Variants in PCSK7 observed in about 807,000 individuals in gnomAD.
The protein encoded by PCSK7 is proprotein convertase subtilisin/kexin type 7.
In PCSK7, 38 loss-of-function variants were observed where a neutral mutation model predicts 73.3. The ratio of observed to expected loss-of-function variants is 0.52; its 90% CI spans 0.40 to 0.68. PCSK7 has a LOEUF of 0.68. PCSK7 is among the 30% of genes least tolerant of loss of function. The pLI is 0.00. For synonymous variants in PCSK7, 296 were observed against 383.8 expected (o/e 0.77, Z 2.68); for missense variants, 692 against 991.5 (o/e 0.70, Z 4.06).
Position 117,219,126 on chromosome 11 carries a change from T to C in PCSK7, c.1362A>G (p.Ala454=), listed in dbSNP as rs954572191. ...CGTGCTGGTGGCTATGGCTGAAGCC[T>C]GCCTCGTTGGTGACCCACTCTGCAC... The part of the protein sequence containing the change: ...DRRAEWVTNE[A]GFSHSHQHGF... Residue 454 remains alanine, a synonymous_variant, in exon 11 of 17, where the codon GCA becomes GCG. Transcript: ENST00000320934. The C allele has an allele frequency of 1.9e-6, 3 of 1,611,310 alleles. No individual in the cohort carries two copies. The African/African-American group carries it at 4.0e-5, about 22-fold the overall frequency.
At chr11:117,225,567 A>C in intron 6 of PCSK7, 1 of 272,268 alleles carries the variant, frequency 3.7e-6, no homozygotes, top group South Asian at 6.5e-5. Flanking sequence ...CCAGTCCAGC[A>C]CAGCCATGCC....
At chr11:117,209,247 G>A (rs1263320731) in intron 12 of PCSK7, 194 bp from the exon 13 acceptor site, 5 of 528,398 alleles carry the variant, frequency 9.5e-6, no homozygotes, top group Non-Finnish European at 1.6e-5. Context: ...TTCGAGTGCA[G>A]TTGGGAAGAC....
chr11:117,219,223 G>C lies in PCSK7; in HGVS notation c.1324-59C>G, dbSNP rs548285025. ...ATTGCCAGTGTAGTCTCAACAATCT[G>C]ACTCTGGTTTCCCTGCTTGCCCTGC... On this transcript the variant is annotated intron_variant, in intron 10 of 16. Transcript: ENST00000320934. The C allele has an allele frequency of 4.0e-6, 5 of 1,249,292 alleles. 1 individual carries two copies. In the South Asian group the frequency reaches 6.4e-5, roughly 16 times the overall value. The allele number at this position is 1,249,292 out of a possible 1,614,324, so 77.4% of individuals were successfully genotyped here.
chr11:117,221,130 T>G (rs1388614410), intron 9 of PCSK7: 3 of 152,264 alleles, frequency 2.0e-5, no homozygotes, highest in African/African-American at 7.2e-5. Flanking sequence ...TCCAAACTTC[T>G]CTTCTGGGTC....
Position 117,218,479 on chromosome 11 carries a change from C to T in PCSK7, c.1521G>A (p.Glu507=). 6.3e-7 allele frequency: 1 copy of T among 1,599,276 alleles called. No homozygotes were observed. Among genetic ancestry groups the T allele is most frequent in the Non-Finnish European group, 8.5e-7 (1 of 1,171,338 alleles). The change falls in exon 12 of 17, where the codon GAG becomes GAA. Residue 507 remains glutamate, a synonymous_variant. Coordinates refer to ENST00000320934, the MANE Select transcript of PCSK7 (RefSeq NM_004716.4). The surrounding 1 kb of genome is among the most constrained non-coding windows in gnomAD (Gnocchi z 4.0). ...CTGATTACTTACCATTCCACAGGAC[C>T]TCCAGGGAACGGGGGGACTGCGGAA... The part of the protein sequence containing the change: ...KAIPQSPRSL[E]VLWNVSRMDL...
At position 117,227,216 on chromosome 11, in the gene PCSK7, G is replaced by A. The variant is rs143167780; in HGVS notation, c.710C>T (p.Ala237Val). The change falls in exon 5 of 17, where the codon GCG (alanine) becomes GTG (valine). Residue 237 changes from alanine to valine, a missense_variant. Physicochemically the swap from Ala to Val is moderately conservative, Grantham distance 64. This residue lies in a region of PCSK7 where 574 missense variants were observed against 689.8 expected (regional missense o/e 0.83). Coordinates refer to ENST00000320934, the MANE Select transcript of PCSK7 (RefSeq NM_004716.4). ...HHGTRCAGEI[A>V]AVPNNSFCAV... ...ACAGAAGCTGTTGTTGGGCACAGCC[G>A]CGATCTCTCCTGCACATCGCGTGCC... 3.0e-4 allele frequency: 486 copies of A among 1,612,488 alleles called. 1 individual carries two copies. In the East Asian group the frequency reaches 4.6e-3, roughly 15 times the overall value.
Position 117,229,389 on chromosome 11 carries a change from C to T in PCSK7, c.456G>A (p.Gln152=). The T allele has an allele frequency of 6.2e-7, 1 of 1,605,412 alleles. No homozygotes were observed. The highest frequency in any genetic ancestry group is 1.1e-5 in the South Asian group (1 of 90,974). ...SVHFNDPKYP[Q]QWHLNNRRSP... is the part of the protein sequence containing the mutation. Reference sequence around the variant, plus strand: ...GGACTGGACTCACCAGGTGCCATTGCTGCGGGTACTTGGGGTCGTTGAAGT... The same window carrying T: ...GGACTGGACTCACCAGGTGCCATTGTTGCGGGTACTTGGGGTCGTTGAAGT... The change falls in exon 3 of 17, where the codon CAG becomes CAA. Residue 152 remains glutamine (Q), a synonymous_variant. Coordinates refer to ENST00000320934, the MANE Select transcript of PCSK7 (RefSeq NM_004716.4).
chr11:117,218,096 G>A lies in PCSK7; in HGVS notation c.1534+370C>T, dbSNP rs755361456. ...ACTCCTTTACTTCATCCAGACACCCGAGGACTGACCAGAGTTCTCTGGCAA... is the reference window on the plus strand; with the variant it reads ...ACTCCTTTACTTCATCCAGACACCCAAGGACTGACCAGAGTTCTCTGGCAA... On this transcript the variant is annotated intron_variant, in intron 12 of 16. Transcript: ENST00000320934. This position sits in a 1 kb window ranked among gnomAD's most constrained non-coding sequence, Gnocchi z 4.0. The A allele has an allele frequency of 2.5e-4, 40 of 160,984 alleles. No individual in the cohort carries two copies. The highest frequency in any genetic ancestry group is 9.0e-4 in the Admixed American group (14 of 15,498). 10.0% of individuals were successfully genotyped at this position (160,984 alleles called of 1,614,324 possible). A position where few individuals can be genotyped will look rare whatever the true frequency, so the allele number is the denominator to read the frequency against.
rs750831268 is a variant in PCSK7, at chr11:117,224,094, G to A, written c.1038C>T (p.Ile346=). The change falls in exon 8 of 17, where the codon ATC becomes ATT. Residue 346 remains isoleucine (I), a synonymous_variant. Coordinates refer to ENST00000320934, the MANE Select transcript of PCSK7 (RefSeq NM_004716.4). ...NCNYDGYANS[I]YTVTIGAVDE... Reference sequence around the variant, plus strand: ...GGTGACTACCTATGGTGACGGTGTAGATGGAGTTGGCGTAGCCATCGTAGT... The same window carrying A: ...GGTGACTACCTATGGTGACGGTGTAAATGGAGTTGGCGTAGCCATCGTAGT... 1.1e-5 allele frequency: 18 copies of A among 1,614,104 alleles called. No individual in the cohort carries two copies. Among genetic ancestry groups the A allele is most frequent in the Non-Finnish European group, 1.5e-5 (18 of 1,180,026 alleles).
At chr11:117,225,114 T>C (rs1323462053) in intron 6 of PCSK7, 1 of 171,826 alleles carries the variant, frequency 5.8e-6, no homozygotes, top group Non-Finnish European at 1.2e-5. Context: ...CAGGCTGAAG[T>C]GCAATGGCGC....
chr11:117,216,858 A>C (rs889678665), intron 12 of PCSK7: 1 of 152,208 alleles, frequency 6.6e-6, no homozygotes, highest in Non-Finnish European at 1.5e-5. Flanking sequence ...ACTGGCTCTG[A>C]AAAGCCAATG....
intron 12 of PCSK7, chr11:117,212,998 G>A (rs1204854190): frequency 1.3e-5 from 2 of 152,304 alleles, no homozygotes; most frequent in African/African-American, 4.8e-5. Context: ...TTAGAGGCAT[G>A]AGCCACTGTG....
chr11:117,227,687 C>T (rs900104893), intron 4 of PCSK7, among the ~76,000 whole-genome samples: 3 of 152,298 alleles, frequency 2.0e-5, no homozygotes, highest in Admixed American at 6.5e-5. Flanking sequence ...CTGATCCGCC[C>T]GCCTTGGCTT....
intron 12 of PCSK7, chr11:117,212,120 C>T (rs2031753487): frequency 1.3e-5 from 2 of 151,852 alleles, no homozygotes; most frequent in South Asian, 4.1e-4. Flanking sequence ...TAAGTTGGTG[C>T]TACAGTGCTT....
At chr11:117,210,085 AC>A (rs1196540349) in intron 12 of PCSK7, 1 of 152,230 alleles carries the variant, frequency 6.6e-6, no homozygotes, top group Admixed American at 6.5e-5. Flanking sequence ...ATACAGCTAC[AC>A]ACGCGCATAC....
Position 117,205,496 on chromosome 11 carries a change from T to C in PCSK7, c.*501A>G. On this transcript the variant is annotated 3_prime_UTR_variant, in exon 17 of 17. Coordinates refer to ENST00000320934, the MANE Select transcript of PCSK7 (RefSeq NM_004716.4). The stretch of plus-strand genomic sequence containing the variant: ...GAGCCAGGGGTTCATTCATGGTTGG[T>C]TTCTGATCAGGCATCTTGGGAATGG... 4.3e-6 allele frequency: 1 copy of C among 234,244 alleles called. No homozygotes were observed. Among genetic ancestry groups the C allele is most frequent in the Non-Finnish European group, 8.4e-6 (1 of 118,526 alleles). The allele number at this position is 234,244 out of a possible 1,614,324, so 14.5% of individuals were successfully genotyped here. A position where few individuals can be genotyped will look rare whatever the true frequency, so the allele number is the denominator to read the frequency against.
chr11:117,205,841 A>G lies in PCSK7; in HGVS notation c.*156T>C, dbSNP rs1307883931. 13 of 645,432 alleles carry G rather than the reference A, an allele frequency of 2.0e-5. No individual in the cohort carries two copies. Among genetic ancestry groups the G allele is most frequent in the African/African-American group, 3.8e-5 (2 of 52,596 alleles). The allele number at this position is 645,432 out of a possible 1,614,324, so 40.0% of individuals were successfully genotyped here. On this transcript the variant is annotated 3_prime_UTR_variant, in exon 17 of 17. Coordinates refer to ENST00000320934, the MANE Select transcript of PCSK7 (RefSeq NM_004716.4). ...CTCTGACCAGACTTCTCTGGCAGCA[A>G]TCCTCCACCATTTGTATCTTAAGAA...
intron 8 of PCSK7, chr11:117,223,864 C>T (rs1040555247): frequency 4.1e-5 from 23 of 560,212 alleles, no homozygotes; most frequent in African/African-American, 1.9e-4. Context: ...GGAGGCAGCT[C>T]GGTGATCTCC....
chr11:117,218,803 C>T lies in PCSK7; in HGVS notation c.1432-235G>A. The T allele has an allele frequency of 1.8e-6, 1 of 566,300 alleles. No individual in the cohort carries two copies. The highest frequency in any genetic ancestry group is 3.1e-6 in the Non-Finnish European group (1 of 317,514). The allele number at this position is 566,300 out of a possible 1,614,324, so 35.1% of individuals were successfully genotyped here. A position where few individuals can be genotyped will look rare whatever the true frequency, so the allele number is the denominator to read the frequency against. ...TGTGTCCAGGGTGGAGGAGGGGAAC[C>T]AGAGCATCCTGAGTCCCACACATAC... On this transcript the variant is annotated intron_variant, in intron 11 of 16. Transcript: ENST00000320934. The surrounding 1 kb of genome is among the most constrained non-coding windows in gnomAD (Gnocchi z 4.0).
Sources: gnomAD v4.1 joint callset for allele counts (sites outside exome capture counted in the v4.1 genomes callset) on GRCh38, gnomAD v4.1.1 for gene constraint, gnomAD v4.1.1 regional missense constraint, Gnocchi (gnomAD v3.1) non-coding constraint, MANE v1.5 for transcripts, NCBI Gene and HGNC (gene_info 2026-07-23, HGNC 2026-07-21) for gene names.